Variants in ZNF83 observed in about 807,000 individuals in gnomAD.
ZNF83 encodes zinc finger protein 816B.
For missense variants in ZNF83, 552 were observed against 629.9 expected (o/e 0.88, Z 1.32); for synonymous variants, 209 against 213.0 (o/e 0.98, Z 0.17).
At chr19:52,661,815 G>A (rs896694644) in intron 1 of ZNF83, among the ~76,000 whole-genome samples, 8 of 152,164 alleles carry the variant, frequency 5.3e-5, no homozygotes, top group African/African-American at 7.2e-5. Flanking sequence ...ATGTCAAATG[G>A]GGCCTGTGGG....
intron 3 of ZNF83, among the ~76,000 whole-genome samples, chr19:52,646,197 C>T (rs1483463247): frequency 6.6e-6 from 1 of 152,126 alleles, no homozygotes; most frequent in Non-Finnish European, 1.5e-5. Flanking sequence ...ATCTCAGGTT[C>T]CCAAAGTGCT....
At chr19:52,612,607 T>A (rs950277452) in exon 3 of ZNF83, 1 of 174,720 alleles carries the variant, frequency 5.7e-6, no homozygotes, top group African/African-American at 2.4e-5. Context: ...CTCTATCACA[T>A]ATAATTATTA....
At chr19:52,613,299 A>AC in exon 3 of ZNF83, 1 of 1,614,134 alleles carries the variant, frequency 6.2e-7, no homozygotes, top group African/African-American at 1.3e-5. Context: ...CTCCAGTATG[A>AC]ATTCTCCAAT....
chr19:52,635,107 C>T, exon 2 of ZNF83: 3 of 693,914 alleles, frequency 4.3e-6, no homozygotes, highest in Non-Finnish European at 7.8e-6. Flanking sequence ...TTCCTCTTCC[C>T]CTTCCGGGTT....
upstream of ZNF83, among the ~76,000 whole-genome samples, chr19:52,641,617 G>T (rs1225596548): frequency 6.6e-6 from 1 of 152,022 alleles, no homozygotes; most frequent in African/African-American, 2.4e-5. Flanking sequence ...TTTCTCTCTT[G>T]TTGCCCAGGC....
exon 2 of ZNF83, chr19:52,635,067 TGAG>T (rs1464880997): frequency 1.4e-6 from 1 of 733,664 alleles, no homozygotes; most frequent in Non-Finnish European, 2.5e-6. Flanking sequence ...TCATCTCACC[TGAG>T]GAAGAACCAT....
intron 2 of ZNF83, among the ~76,000 whole-genome samples, chr19:52,616,284 A>T (rs1436141916): frequency 6.6e-6 from 1 of 152,256 alleles, no homozygotes; most frequent in Non-Finnish European, 1.5e-5. Context: ...CACTGCAAGT[A>T]AGTGAGGTCA....
chr19:52,677,698 TGAA>T (rs2147337288), intron 1 of ZNF83, among the ~76,000 whole-genome samples: 1 of 49,366 alleles, frequency 2.0e-5, no homozygotes, highest in South Asian at 4.1e-4. Context: ...ACCACAGGCG[TGAA>T]GAATGATCCC....
exon 3 of ZNF83, chr19:52,613,304 T>C (rs1295206188): frequency 6.2e-7 from 1 of 1,614,176 alleles, no homozygotes; most frequent in Admixed American, 1.7e-5. Context: ...GTATGAATTC[T>C]CCAATGATAT....
exon 3 of ZNF83, chr19:52,614,065 T>C: frequency 6.2e-7 from 1 of 1,613,334 alleles, no homozygotes; most frequent in Non-Finnish European, 8.5e-7. Context: ...AATCCTGCGA[T>C]GCTGTGCAAG....
chr19:52,642,787 G>A (rs1376067051), upstream of ZNF83, among the ~76,000 whole-genome samples: 1 of 152,170 alleles, frequency 6.6e-6, no homozygotes, highest in Non-Finnish European at 1.5e-5. Flanking sequence ...TTAGGAAGAT[G>A]AGGTGGGAGG....
intron 1 of ZNF83, among the ~76,000 whole-genome samples, chr19:52,676,246 G>T (rs1322811820): frequency 6.6e-6 from 1 of 152,210 alleles, no homozygotes; most frequent in South Asian, 2.1e-4. Context: ...GCCTCCCGAG[G>T]TGCCGGGATT....
chr19:52,627,876 C>CTGA lies in ZNF83; in HGVS notation c.-234+7187_-234+7189dup, dbSNP rs377065606. Among the ~76,000 whole-genome samples, 523 of 152,290 alleles carry CTGA rather than the reference C, an allele frequency of 3.4e-3. 4 individuals are homozygous for CTGA. Among genetic ancestry groups the CTGA allele is most frequent in the African/African-American group, 0.012 (501 of 41,566 alleles). ...TCCAGATGGCCAGTTCCTTCCTTAA[C>CTGA]TGATGACATTCCACCACAAAAGAAG... is the stretch of plus-strand genomic sequence containing the variant. On this transcript the variant is annotated intron_variant, in intron 2 of 2. Coordinates refer to ENST00000301096, the Ensembl canonical transcript of ZNF83.
At position 52,687,633 on chromosome 19, in the gene ZNF83, G is replaced by GTATATATATATATATATATATATAATGTA. The variant is rs1474676743; in HGVS notation, c.-283+2781_-283+2809dup. ...TATAATGTGTATATATATATATAAT[G>GTATATATATATATATATATATATAATGTA]TATATATATATATATATATATATAA... On this transcript the variant is annotated intron_variant, in intron 1 of 5. Transcript: ENST00000594682. 2.9e-4 allele frequency among the ~76,000 whole-genome samples: 8 copies of GTATATATATATATATATATATATAATGTA among 27,840 alleles called. 2 individuals carry two copies. The highest frequency in any genetic ancestry group is 2.0e-3 in the East Asian group (2 of 976). The allele number at this position is 27,840 out of a possible 152,430, so 18.3% of individuals were successfully genotyped here. A position where few individuals can be genotyped will look rare whatever the true frequency, so the allele number is the denominator to read the frequency against.
chr19:52,684,745 G>A lies in ZNF83; in HGVS notation c.-283+5698C>T, dbSNP rs1600279759. Among the ~76,000 whole-genome samples the A allele has an allele frequency of 2.0e-5, 3 of 152,084 alleles. No homozygotes were observed. The South Asian group carries it at 6.2e-4, about 32-fold the overall frequency. On this transcript the variant is annotated intron_variant, in intron 1 of 5. Coordinates refer to the ZNF83 transcript ENST00000594682. ...AATGCAGTGATCATTTAGGGACATA[G>A]GGTAAGAGCAGGGACAATGACCTGA...
rs1214065037 is a variant in ZNF83 at position 52,687,529 on chromosome 19, TA to T, written c.-283+2913del. On this transcript the variant is annotated intron_variant, in intron 1 of 5. Coordinates refer to the ZNF83 transcript ENST00000594682. ...ATAAATTATATATAAATTTTATATA[TA>T]AATTATATATATAAATTATATGTGT... Among the ~76,000 whole-genome samples, 10 of 57,214 alleles carry T rather than the reference TA, an allele frequency of 1.7e-4. 3 individuals carry two copies. Among genetic ancestry groups the T allele is most frequent in the African/African-American group, 3.7e-4 (4 of 10,920 alleles). The allele number at this position is 57,214 out of a possible 152,430, so 37.5% of individuals were successfully genotyped here.
intron 1 of ZNF83, among the ~76,000 whole-genome samples, chr19:52,668,130 G>A (rs558427677): frequency 6.6e-6 from 1 of 152,176 alleles, no homozygotes; most frequent in African/African-American, 2.4e-5. Context: ...CAGCACAGGC[G>A]CCAGCTTCGG....
chr19:52,629,581 C>T (rs947118672), intron 2 of ZNF83, among the ~76,000 whole-genome samples: 3 of 152,178 alleles, frequency 2.0e-5, no homozygotes. Context: ...CTAGCCCTCC[C>T]CCACCTGCCC....
exon 3 of ZNF83, chr19:52,613,268 C>T (rs774764659): frequency 6.2e-7 from 1 of 1,613,918 alleles, no homozygotes; most frequent in Non-Finnish European, 8.5e-7. Flanking sequence ...TTCCCACATT[C>T]ATTACATTTA....
Sources: allele counts gnomAD v4.1 joint callset (sites outside exome capture counted in the v4.1 genomes callset), GRCh38; gene constraint gnomAD v4.1.1; transcripts MANE v1.5; gene names NCBI Gene and HGNC (gene_info 2026-07-23, HGNC 2026-07-21).